Variants in CACNB2 observed in about 807,000 individuals in gnomAD.
CACNB2 encodes voltage-dependent L-type calcium channel subunit beta-2.
CACNB2 carries 42 observed loss-of-function variants against 73.3 expected under a neutral mutation model. The ratio of observed to expected loss-of-function variants is 0.57; its 90% CI spans 0.45 to 0.74. The LOEUF (loss-of-function observed/expected upper bound fraction) is 0.74, where lower values mean the gene tolerates loss of function less well. Ranked by LOEUF, CACNB2 falls within the 30% of genes least tolerant of loss-of-function variation. The pLI, the probability that CACNB2 is intolerant of heterozygous loss-of-function variation, is 0.00. For synonymous variants in CACNB2, 348 were observed against 310.3 expected, an observed-to-expected ratio of 1.12 and a Z score of -1.28; for missense variants, 940 against 853.0, an observed-to-expected ratio of 1.10 and a Z score of -1.27.
At chr10:18,440,728 A>G (rs887207286) in intron 3 of CACNB2, among the ~76,000 whole-genome samples, 8 of 152,124 alleles carry the variant, frequency 5.3e-5, no homozygotes, top group Non-Finnish European at 1.5e-5. Context: ...ATATTTGAGG[A>G]TAGATTATTT....
intron 3 of CACNB2, among the ~76,000 whole-genome samples, chr10:18,471,448 A>AT (rs1262741826): frequency 6.6e-6 from 1 of 152,206 alleles, no homozygotes; most frequent in Non-Finnish European, 1.5e-5. Context: ...TAAGATATTT[A>AT]TTTTTTATAA....
At chr10:18,462,032 A>G (rs536020432) in intron 3 of CACNB2, among the ~76,000 whole-genome samples, 38 of 152,194 alleles carry the variant, frequency 2.5e-4, no homozygotes, top group African/African-American at 7.5e-4. Context: ...CCAGGAATCT[A>G]TCCCGTTCTA....
intron 2 of CACNB2, among the ~76,000 whole-genome samples, chr10:18,216,530 A>G (rs1031657581): frequency 2.0e-5 from 3 of 152,228 alleles, no homozygotes; most frequent in East Asian, 3.8e-4. Context: ...TAGATATGGC[A>G]GTAATACAGC....
intron 3 of CACNB2, among the ~76,000 whole-genome samples, chr10:18,481,869 A>T (rs1222312741): frequency 6.6e-6 from 1 of 152,176 alleles, no homozygotes; most frequent in Non-Finnish European, 1.5e-5. Context: ...AAAGGCAATA[A>T]ATGAAATAAG....
At chr10:18,486,484 A>G (rs1564606111) in intron 3 of CACNB2, among the ~76,000 whole-genome samples, 1 of 152,218 alleles carries the variant, frequency 6.6e-6, no homozygotes, top group Non-Finnish European at 1.5e-5. Flanking sequence ...CTAAACATTA[A>G]CCACCTCTCT....
intron 3 of CACNB2, among the ~76,000 whole-genome samples, chr10:18,438,739 T>A (rs144725663): frequency 6.6e-6 from 1 of 152,372 alleles, no homozygotes; most frequent in African/African-American, 2.4e-5. Flanking sequence ...AATTCCTTGA[T>A]CCCAGTTCTG....
intron 3 of CACNB2, among the ~76,000 whole-genome samples, chr10:18,438,477 G>A (rs1330455843): frequency 1.3e-5 from 2 of 152,164 alleles, no homozygotes; most frequent in African/African-American, 4.8e-5. Context: ...TTGTTGATTG[G>A]CAGTCAAGGC....
At chr10:18,321,438 GAAA>G (rs1024710596) in intron 2 of CACNB2, among the ~76,000 whole-genome samples, 1 of 150,674 alleles carries the variant, frequency 6.6e-6, no homozygotes, top group African/African-American at 2.4e-5. Flanking sequence ...TTGCTAGTGG[GAAA>G]AAAAAATGAA....
In CACNB2 at chr10:18,537,219, C is replaced by G. The variant is rs969736888; in HGVS notation, c.1303-961C>G. ...CCCAGGCTGGTCTCAAACTCCCGAC[C>G]TCAAGTGATCCATCCACCTTGGCCT... is the stretch of plus-strand genomic sequence containing the variant. On this transcript the variant is annotated intron_variant, in intron 12 of 13. Transcript: ENST00000324631. Among the ~76,000 whole-genome samples, 14 of 152,188 alleles carry G rather than the reference C, an allele frequency of 9.2e-5. No individual in the cohort carries two copies. In the East Asian group the frequency reaches 2.7e-3, roughly 30 times the overall value.
chr10:18,266,480 A>T (rs2037806079), intron 2 of CACNB2, among the ~76,000 whole-genome samples: 1 of 152,116 alleles, frequency 6.6e-6, no homozygotes, highest in African/African-American at 2.4e-5. Context: ...GTGCCTGTTC[A>T]CAGAGATTTC....
intron 2 of CACNB2, among the ~76,000 whole-genome samples, chr10:18,225,106 T>C (rs1348847800): frequency 1.3e-5 from 2 of 152,218 alleles, no homozygotes; most frequent in African/African-American, 4.8e-5. Flanking sequence ...TGACCTGCTG[T>C]TTCTCAGGCT....
chr10:18,331,458 A>T (rs2040802678), intron 2 of CACNB2, among the ~76,000 whole-genome samples: 1 of 112,944 alleles, frequency 8.9e-6, no homozygotes, highest in Non-Finnish European at 1.8e-5. Context: ...CATCTCATTT[A>T]AAAAAAAAAA....
chr10:18,522,411 GGA>G (rs1322334430), intron 9 of CACNB2, among the ~76,000 whole-genome samples: 2 of 152,038 alleles, frequency 1.3e-5, no homozygotes, highest in Non-Finnish European at 2.9e-5. Context: ...AAAAGGTTGG[GGA>G]CTGCTGCAAT....
chr10:18,338,036 C>T (rs1013759788), intron 2 of CACNB2, among the ~76,000 whole-genome samples: 1 of 152,046 alleles, frequency 6.6e-6, no homozygotes, highest in Non-Finnish European at 1.5e-5. Context: ...ACACCAAAAG[C>T]TCAGGCAACA....
rs545690526 is a variant in CACNB2 at position 18,291,698 on chromosome 10, A to G, written c.214-110226A>G. ...TTCCATGTTGGTGAAACTATTGTTG[A>G]CCGCTTCAGTACTGTATGTTGCCAT... On this transcript the variant is annotated intron_variant, in intron 2 of 13. Coordinates refer to ENST00000324631, the MANE Select transcript of CACNB2 (RefSeq NM_201596.3). 1.4e-4 allele frequency among the ~76,000 whole-genome samples: 22 copies of G among 152,340 alleles called. No homozygotes were observed. In the South Asian group the frequency reaches 2.1e-3, roughly 14 times the overall value.
intron 2 of CACNB2, among the ~76,000 whole-genome samples, chr10:18,379,695 C>T (rs7908876): frequency 0.56 from 85,234 of 151,910 alleles, 24,547 homozygotes; most frequent in East Asian, 0.95. Flanking sequence ...TTCTACATTT[C>T]TGGACAAGGG....
chr10:18,319,031 C>T (rs371871729), intron 2 of CACNB2, among the ~76,000 whole-genome samples: 4 of 152,112 alleles, frequency 2.6e-5, no homozygotes, highest in Non-Finnish European at 5.9e-5. Context: ...TTGTGGAAGA[C>T]GATGTGGGAA....
At chr10:18,408,392 C>T (rs1265965347) in intron 3 of CACNB2, among the ~76,000 whole-genome samples, 2 of 151,978 alleles carry the variant, frequency 1.3e-5, no homozygotes, top group African/African-American at 4.8e-5. Flanking sequence ...GTGTGCACCA[C>T]TGCGCCCAGC....
At chr10:18,188,505 G>A (rs918692301) in intron 2 of CACNB2, among the ~76,000 whole-genome samples, 1 of 141,850 alleles carries the variant, frequency 7.0e-6, no homozygotes, top group African/African-American at 2.6e-5. Flanking sequence ...GGGTCTTACT[G>A]TGTTGCCCAG....
Sources: allele counts gnomAD v4.1 joint callset (sites outside exome capture counted in the v4.1 genomes callset), GRCh38; gene constraint gnomAD v4.1.1; transcripts MANE v1.5; gene names NCBI Gene and HGNC (gene_info 2026-07-23, HGNC 2026-07-21).